MXI1: variants seen among roughly 807,000 people sequenced by gnomAD.
The protein encoded by MXI1 is MAX interactor 1, dimerization protein.
Under a neutral mutation model 36.9 loss-of-function variants are expected in MXI1, and 18 were observed. That is an observed-to-expected ratio of 0.49 (90% CI 0.34 to 0.72). The LOEUF (loss-of-function observed/expected upper bound fraction) is 0.72. Ranked by LOEUF, MXI1 falls within the 30% of genes least tolerant of loss-of-function variation. MXI1 has a pLI of 0.01. For missense variants in MXI1, 304 were observed against 379.1 expected (o/e 0.80, Z 1.64); for synonymous variants, 160 against 146.7 (o/e 1.09, Z -0.65).
chr10:110,223,123 C>T (rs1590333613), intron 1 of MXI1, among the ~76,000 whole-genome samples: 1 of 152,210 alleles, frequency 6.6e-6, no homozygotes, highest in Non-Finnish European at 1.5e-5. Context: ...TAGGTTAGTT[C>T]ACCTGGAGGT....
chr10:110,223,054 C>T (rs1854856948), intron 1 of MXI1, among the ~76,000 whole-genome samples: 1 of 152,192 alleles, frequency 6.6e-6, no homozygotes, highest in South Asian at 2.1e-4. Flanking sequence ...TTTGGTGAGT[C>T]TCGCTCTACT....
intron 1 of MXI1, chr10:110,227,892 C>A (rs1590343163): frequency 2.6e-6 from 1 of 377,414 alleles, no homozygotes; most frequent in East Asian, 4.6e-5. Flanking sequence ...GGTAACTGGT[C>A]ACAAAATTTT....
intron 3 of MXI1, among the ~76,000 whole-genome samples, chr10:110,266,674 T>G (rs2134442211): frequency 6.6e-6 from 1 of 152,300 alleles, no homozygotes; most frequent in East Asian, 1.9e-4. Context: ...GCAGGCCCTA[T>G]ATGATGAAGA....
chr10:110,226,025 ACGGCGGGCG>A lies in MXI1; in HGVS notation c.275-2159_275-2151del, dbSNP rs1471309835. On this transcript the variant is annotated intron_variant, in intron 1 of 5. Transcript: ENST00000332674. ...AAACCACGCGCGGGCTGCCCGCGGC[ACGGCGGGCG>A]CGGCTGGCGCGGCTGGGGCGGCAGG... is the stretch of plus-strand genomic sequence containing the variant. The A allele has an allele frequency of 3.4e-4, 336 of 976,294 alleles. No individual in the cohort carries two copies. The Middle Eastern group carries it at 4.2e-3, about 12-fold the overall frequency. 60.5% of individuals were successfully genotyped at this position (976,294 alleles called of 1,614,324 possible).
At chr10:110,251,010 T>TTTTTTTTTTTTTTTTTTTTTTTTGAG (rs376734108) in intron 3 of MXI1, among the ~76,000 whole-genome samples, 3 of 54,976 alleles carry the variant, frequency 5.5e-5, no homozygotes, top group African/African-American at 1.0e-4. Flanking sequence ...AAGTATTTGT[T>TTTTTTTTTTTTTTTTTTTTTTTTGAG]AAAAAAAAAA....
intron 3 of MXI1, among the ~76,000 whole-genome samples, chr10:110,265,038 GA>G (rs1398847059): frequency 1.3e-5 from 2 of 151,992 alleles, no homozygotes; most frequent in African/African-American, 4.8e-5. Flanking sequence ...GTTCGGATAT[GA>G]AAAAGCTGGA....
chr10:110,268,934 G>GTTA (rs2134446514), intron 3 of MXI1, among the ~76,000 whole-genome samples: 2 of 152,142 alleles, frequency 1.3e-5, no homozygotes, highest in African/African-American at 4.8e-5. Flanking sequence ...AAATGCTTCA[G>GTTA]TTATTAACAA....
chr10:110,214,172 A>T (rs956328437), intron 1 of MXI1, among the ~76,000 whole-genome samples: 1 of 152,200 alleles, frequency 6.6e-6, no homozygotes, highest in Non-Finnish European at 1.5e-5. Context: ...ACAGCCAAGG[A>T]ATGAAGTCCA....
chr10:110,212,729 A>G (rs1854541757), intron 1 of MXI1, among the ~76,000 whole-genome samples: 1 of 152,194 alleles, frequency 6.6e-6, no homozygotes, highest in Non-Finnish European at 1.5e-5. Context: ...TATGACCCTC[A>G]TATCATTGTC....
intron 3 of MXI1, among the ~76,000 whole-genome samples, chr10:110,245,491 A>G (rs112816600): frequency 0.052 from 7,983 of 152,182 alleles, 316 homozygotes; most frequent in Middle Eastern, 0.15. Context: ...GTCACCTGAT[A>G]CCTTTTTGAA....
At chr10:110,279,846 A>G (rs2134471864) in intron 4 of MXI1, 68 bp from the exon 5 acceptor site, 1 of 1,209,820 alleles carries the variant, frequency 8.3e-7, no homozygotes, top group East Asian at 2.5e-5. Flanking sequence ...TTCTCTGCTA[A>G]AGGAGGAATC....
intron 2 of MXI1, among the ~76,000 whole-genome samples, chr10:110,236,804 A>C (rs1855494222): frequency 6.6e-6 from 1 of 152,198 alleles, no homozygotes; most frequent in African/African-American, 2.4e-5. Context: ...CAGTTTCTAC[A>C]ACAGAGCCTG....
chr10:110,266,337 T>G (rs1856677960), intron 3 of MXI1, among the ~76,000 whole-genome samples: 1 of 152,186 alleles, frequency 6.6e-6, no homozygotes, highest in African/African-American at 2.4e-5. Context: ...CTCGAACTCC[T>G]GACCTCGTGA....
chr10:110,254,313 C>A (rs972753964), intron 3 of MXI1, among the ~76,000 whole-genome samples: 16 of 152,096 alleles, frequency 1.1e-4, no homozygotes, highest in African/African-American at 3.9e-4. Flanking sequence ...GTGTCACAAA[C>A]CATGCCCATA....
chr10:110,266,527 G>A (rs992602353), intron 3 of MXI1, among the ~76,000 whole-genome samples: 4 of 152,130 alleles, frequency 2.6e-5, no homozygotes, highest in African/African-American at 9.7e-5. Flanking sequence ...ACAACCAAAA[G>A]CCTCAACTGG....
intron 1 of MXI1, among the ~76,000 whole-genome samples, chr10:110,220,459 A>G (rs1434705721): frequency 6.6e-6 from 1 of 152,218 alleles, no homozygotes; most frequent in African/African-American, 2.4e-5. Context: ...TGAGGCTGAG[A>G]GAACGCAGAT....
Position 110,208,025 on chromosome 10 carries a change from G to T in MXI1, c.217G>T (p.Val73Leu). 1 of 1,603,980 alleles carries T rather than the reference G, an allele frequency of 6.2e-7. No homozygotes were observed. The highest frequency in any genetic ancestry group is 1.1e-5 in the South Asian group (1 of 89,758). Residue 73 changes from valine to leucine, a missense_variant, in exon 1 of 6, where the codon GTG becomes TTG. This residue lies in a region of MXI1 where 179 missense variants were observed against 184.8 expected (regional missense o/e 0.97). Coordinates refer to ENST00000332674, the MANE Select transcript of MXI1 (RefSeq NM_130439.3). The stretch of plus-strand genomic sequence containing the variant: ...GCACATCAACACTTTTCTGCAGAAC[G>T]TGCAGATTCTGCTCGAGGCCGCCAG... ...EKHINTFLQN[V>L]QILLEAASYL...
intron 1 of MXI1, among the ~76,000 whole-genome samples, chr10:110,221,983 T>C (rs190930187): frequency 7.9e-5 from 12 of 152,206 alleles, no homozygotes; most frequent in Non-Finnish European, 1.8e-4. Flanking sequence ...CCCAAATTTA[T>C]CTCGGCTGCA....
chr10:110,217,818 T>C (rs775471581), intron 1 of MXI1, among the ~76,000 whole-genome samples: 1 of 152,244 alleles, frequency 6.6e-6, no homozygotes, highest in Non-Finnish European at 1.5e-5. Context: ...GAGAGTGTGA[T>C]AACCTGTCCC....
Sources: allele counts gnomAD v4.1 joint callset (sites outside exome capture counted in the v4.1 genomes callset), GRCh38; gene constraint gnomAD v4.1.1; regional missense constraint gnomAD v4.1.1; transcripts MANE v1.5; gene names NCBI Gene and HGNC (gene_info 2026-07-23, HGNC 2026-07-21).